PSMA7: variants seen among roughly 807,000 people sequenced by gnomAD.
The protein encoded by PSMA7 is proteasome subunit alpha type-7.
PSMA7 carries 5 observed loss-of-function variants against 31.3 expected under a neutral mutation model. The ratio of observed to expected loss-of-function variants is 0.16; its 90% CI spans 0.08 to 0.34. PSMA7 has a LOEUF of 0.34. PSMA7 is among the 10% of genes least tolerant of loss of function. PSMA7 has a pLI of 1.00. For synonymous variants in PSMA7, 155 were observed against 121.9 expected (o/e 1.27, Z -1.79); for missense variants, 217 against 327.5 (o/e 0.66, Z 2.60).
intron 1 of PSMA7, 70 bp downstream of exon 1, chr20:62,143,138 G>A: frequency 1.9e-6 from 2 of 1,031,092 alleles, no homozygotes; most frequent in Non-Finnish European, 1.2e-6. Context: ...GCCCGGCCCC[G>A]GCCCTCTCTG....
At chr20:62,137,590 T>C (rs1778269683) in intron 5 of PSMA7, 164 bp from the exon 6 acceptor site, 3 of 663,814 alleles carry the variant, frequency 4.5e-6, no homozygotes, top group Admixed American at 5.5e-5. Context: ...TCATGGCCAT[T>C]TGTGAAGTCT....
Position 62,139,876 on chromosome 20 carries a change from T to C in PSMA7, c.253A>G (p.Asn85Asp). 1.2e-6 allele frequency: 2 copies of C among 1,613,968 alleles called. No homozygotes were observed. Among genetic ancestry groups the C allele is most frequent in the Non-Finnish European group, 1.7e-6 (2 of 1,180,012 alleles). ...GLTADARIVI[N>D]RARVECQSHR... Reference sequence around the variant, plus strand: ...CTCTGGCACTCCACCCGGGCCCTGTTGATGACTATCCTTGCATCGGCGGTG... The same window carrying C: ...CTCTGGCACTCCACCCGGGCCCTGTCGATGACTATCCTTGCATCGGCGGTG... Residue 85 changes from asparagine to aspartate, a missense_variant, in exon 3 of 7, where the codon AAC (asparagine) becomes GAC (aspartate). Asn to Asp is a conservative substitution (Grantham distance 23, BLOSUM62 1). Coordinates refer to ENST00000370873, the MANE Select transcript of PSMA7 (RefSeq NM_002792.4).
chr20:62,142,205 C>T (rs987712798), intron 1 of PSMA7, among the ~76,000 whole-genome samples: 1 of 152,260 alleles, frequency 6.6e-6, no homozygotes, highest in East Asian at 1.9e-4. Flanking sequence ...TCGACTGACT[C>T]GAGGCCCAGA....
chr20:62,141,046 G>C, intron 1 of PSMA7, 102 bp from the exon 2 acceptor site: 2 of 1,430,558 alleles, frequency 1.4e-6, no homozygotes, highest in Non-Finnish European at 1.9e-6. Flanking sequence ...GAGGTGGGTG[G>C]ATGACTTAAA....
At chr20:62,137,531 C>A (rs1027736307) in intron 5 of PSMA7, 105 bp from the exon 6 acceptor site, 58 of 1,081,012 alleles carry the variant, frequency 5.4e-5, no homozygotes, top group Non-Finnish European at 7.8e-5. Context: ...CCAGCACCGT[C>A]CCAGGAACAG....
Position 62,143,295 on chromosome 20 carries a change from G to T in PSMA7, c.9C>A (p.Tyr3Ter). ...GCGAGAAGACGGTGATGGCGCGGTCGTAGCTCATGCCGGCGGGCGGCGGCC... is the reference window on the plus strand; with the variant it reads ...GCGAGAAGACGGTGATGGCGCGGTCTTAGCTCATGCCGGCGGGCGGCGGCC... The part of the protein sequence containing the change: MS[Y>*]DRAITVFSPD... The change falls in exon 1 of 7, where the codon TAC becomes TAA. Residue 3 changes from tyrosine (Y) to a stop codon, truncating the protein, a stop_gained. Transcript: ENST00000370873. LOFTEE classifies it high-confidence loss of function. The T allele has an allele frequency of 7.0e-7, 1 of 1,434,504 alleles. No homozygotes were observed. 88.9% of individuals were successfully genotyped at this position (1,434,504 alleles called of 1,614,324 possible). A position where few individuals can be genotyped will look rare whatever the true frequency, so the allele number is the denominator to read the frequency against.
chr20:62,142,141 T>C (rs570439040), intron 1 of PSMA7, among the ~76,000 whole-genome samples: 2 of 152,174 alleles, frequency 1.3e-5, no homozygotes, highest in Non-Finnish European at 2.9e-5. Flanking sequence ...GAAGTATTGA[T>C]CTGAAGTGTT....
intron 1 of PSMA7, among the ~76,000 whole-genome samples, chr20:62,141,510 G>A (rs1189241163): frequency 1.3e-5 from 2 of 152,210 alleles, no homozygotes; most frequent in Non-Finnish European, 2.9e-5. Flanking sequence ...TGCCCAACCT[G>A]GGCCTTTCAA....
In PSMA7 at chr20:62,136,746, A is replaced by C. The variant is rs1299796721; in HGVS notation, c.*111T>G. 1.3e-5 allele frequency: 19 copies of C among 1,418,902 alleles called. No homozygotes were observed. The highest frequency in any genetic ancestry group is 1.7e-5 in the Non-Finnish European group (18 of 1,070,254). 87.9% of individuals were successfully genotyped at this position (1,418,902 alleles called of 1,614,324 possible). On this transcript the variant is annotated 3_prime_UTR_variant, in exon 7 of 7. Coordinates refer to ENST00000370873, the MANE Select transcript of PSMA7 (RefSeq NM_002792.4). The stretch of plus-strand genomic sequence containing the variant: ...AAAAAAAACAGGTTAAAAATACGGA[A>C]GTTTATTGTAGGACACTCAGTGTGA...
At chr20:62,139,324 C>G in intron 3 of PSMA7, 127 bp from the exon 4 acceptor site, 2 of 1,169,790 alleles carry the variant, frequency 1.7e-6, no homozygotes. Flanking sequence ...ATCAGCAGTT[C>G]AAATGATACA....
In PSMA7 at chr20:62,140,018, G is replaced by A. The variant is rs2056918057; in HGVS notation, c.224-113C>T. The A allele has an allele frequency of 1.6e-5, 22 of 1,376,910 alleles. No homozygotes were observed. In the South Asian group the frequency reaches 2.6e-4, roughly 16 times the overall value. 85.3% of individuals were successfully genotyped at this position (1,376,910 alleles called of 1,614,324 possible). On this transcript the variant is annotated intron_variant, in intron 2 of 6. Coordinates refer to ENST00000370873, the MANE Select transcript of PSMA7 (RefSeq NM_002792.4). ...CACAGACCCCCCAAACCGGCAGCAA[G>A]GCTATTCTAACTGACTGGCAGCGGA...
At chr20:62,142,102 C>A (rs1385930800) in intron 1 of PSMA7, among the ~76,000 whole-genome samples, 1 of 152,150 alleles carries the variant, frequency 6.6e-6, no homozygotes, top group Non-Finnish European at 1.5e-5. Flanking sequence ...CCAGTGGCTC[C>A]GTGTGGGCCC....
intron 1 of PSMA7, chr20:62,142,625 C>G (rs4141921): frequency 0.63 from 96,422 of 152,322 alleles, 34,958 homozygotes; most frequent in Non-Finnish European, 0.8. Flanking sequence ...AAGGCTCCTC[C>G]CGGCAGAGTG....
chr20:62,137,069 A>C lies in PSMA7; in HGVS notation c.655-120T>G, dbSNP rs532104020. 4 of 1,368,322 alleles carry C rather than the reference A, an allele frequency of 2.9e-6. No homozygotes were observed. The African/African-American group carries it at 5.9e-5, about 20-fold the overall frequency. The allele number at this position is 1,368,322 out of a possible 1,614,324, so 84.8% of individuals were successfully genotyped here. A position where few individuals can be genotyped will look rare whatever the true frequency, so the allele number is the denominator to read the frequency against. ...GCTCATACAGCCTCTTTGGAGAGGA[A>C]CCTCAAGAAAAACAAGAGGATGCTG... On this transcript the variant is annotated intron_variant, in intron 6 of 6. Transcript: ENST00000370873.
chr20:62,143,211 G>A lies in PSMA7; in HGVS notation c.93C>T (p.Thr31=), dbSNP rs753171688. Residue 31 remains threonine (T), a synonymous_variant, in exon 1 of 7, where the codon ACC becomes ACT. Transcript: ENST00000370873. The part of the protein sequence containing the change: ...YAQEAVKKGS[T]AVGVRGRDIV... Reference sequence around the variant, plus strand: ...CGCGCAGGCCCCGCCGCCTCACCGCGGTCGAGCCCTTCTTGACGGCCTCCT... The same window carrying A: ...CGCGCAGGCCCCGCCGCCTCACCGCAGTCGAGCCCTTCTTGACGGCCTCCT... 19 of 1,391,608 alleles carry A rather than the reference G, an allele frequency of 1.4e-5. No homozygotes were observed. Among genetic ancestry groups the A allele is most frequent in the Non-Finnish European group, 1.8e-5 (19 of 1,062,620 alleles). 86.2% of individuals were successfully genotyped at this position (1,391,608 alleles called of 1,614,324 possible). A position where few individuals can be genotyped will look rare whatever the true frequency, so the allele number is the denominator to read the frequency against.
Position 62,143,214 on chromosome 20 carries a change from C to A in PSMA7, c.90G>T (p.Ser30=). Residue 30 remains serine (S), a synonymous_variant, in exon 1 of 7, where the codon TCG becomes TCT. Coordinates refer to ENST00000370873, the MANE Select transcript of PSMA7 (RefSeq NM_002792.4). ...GCAGGCCCCGCCGCCTCACCGCGGTCGAGCCCTTCTTGACGGCCTCCTGCG... is the reference window on the plus strand; with the variant it reads ...GCAGGCCCCGCCGCCTCACCGCGGTAGAGCCCTTCTTGACGGCCTCCTGCG... ...EYAQEAVKKG[S]TAVGVRGRDI... The A allele has an allele frequency of 3.5e-6, 5 of 1,423,516 alleles. No homozygotes were observed. The South Asian group carries it at 5.1e-5, about 14-fold the overall frequency. 88.2% of individuals were successfully genotyped at this position (1,423,516 alleles called of 1,614,324 possible). A position where few individuals can be genotyped will look rare whatever the true frequency, so the allele number is the denominator to read the frequency against.
intron 4 of PSMA7, among the ~76,000 whole-genome samples, 178 bp downstream of exon 4, chr20:62,138,897 G>A (rs2056910847): frequency 6.6e-6 from 1 of 152,148 alleles, no homozygotes; most frequent in South Asian, 2.1e-4. Context: ...ACACCTTGCT[G>A]CCCTTTGATT....
At chr20:62,139,053 A>ACCCCTCT in intron 4 of PSMA7, 22 bp downstream of exon 4, 1 of 1,612,264 alleles carries the variant, frequency 6.2e-7, no homozygotes, top group South Asian at 1.1e-5. Flanking sequence ...GACTGTCCAA[A>ACCCCTCT]GCCCCTTTGT....
Position 62,142,842 on chromosome 20 carries a change from G to A in PSMA7, c.96+366C>T, listed in dbSNP as rs1374393582. Among the ~76,000 whole-genome samples the A allele has an allele frequency of 3.3e-5, 5 of 151,696 alleles. No homozygotes were observed. The South Asian group carries it at 1.0e-3, about 31-fold the overall frequency. On this transcript the variant is annotated intron_variant, in intron 1 of 6. Coordinates refer to ENST00000370873, the MANE Select transcript of PSMA7 (RefSeq NM_002792.4). ...TACCCCCCGCGCTCCGCGGCCCAGA[G>A]CGGCCCTCGCCCGGCCTCTGCTCGC...
Sources: allele counts gnomAD v4.1 joint callset (sites outside exome capture counted in the v4.1 genomes callset), GRCh38; gene constraint gnomAD v4.1.1; transcripts MANE v1.5; gene names NCBI Gene and HGNC (gene_info 2026-07-23, HGNC 2026-07-21).